Variants in SMARCD3 observed in about 807,000 individuals in gnomAD.
SMARCD3 encodes SWI/SNF related BAF chromatin remodeling complex subunit D3, also known as SWI/SNF-related matrix-associated actin-dependent regulator of chromatin subfamily D member 3.
SMARCD3 carries 14 observed loss-of-function variants against 58.0 expected under a neutral mutation model. The ratio of observed to expected loss-of-function variants is 0.24; its 90% CI spans 0.16 to 0.38. The LOEUF is 0.38. Among genes scored for constraint, SMARCD3 ranks in the 10% least tolerant of loss-of-function variants. SMARCD3 has a pLI of 1.00. For synonymous variants in SMARCD3, 253 were observed against 253.8 expected (o/e 1.00, Z 0.03); for missense variants, 408 against 636.9 (o/e 0.64, Z 3.87).
intron 9 of SMARCD3, 68 bp downstream of exon 9, chr7:151,240,348 TGGGAGGAGA>T (rs1802913836): frequency 1.9e-6 from 3 of 1,588,118 alleles, no homozygotes; most frequent in Non-Finnish European, 2.6e-6. Context: ...GAGATGGGAG[TGGGAGGAGA>T]GGGAGGGGCA....
At chr7:151,271,127 C>A (rs1795160930) in intron 2 of SMARCD3, among the ~76,000 whole-genome samples, 1 of 152,122 alleles carries the variant, frequency 6.6e-6, no homozygotes, top group Non-Finnish European at 1.5e-5. Context: ...TGGAATGACC[C>A]TGGCCCTCTC....
chr7:151,253,667 C>T (rs765248106), upstream of SMARCD3, among the ~76,000 whole-genome samples: 1 of 152,158 alleles, frequency 6.6e-6, no homozygotes, highest in Non-Finnish European at 1.5e-5. Flanking sequence ...TCTCTTACTC[C>T]CCATTAATGA....
intron 2 of SMARCD3, among the ~76,000 whole-genome samples, chr7:151,254,018 G>A (rs1563674335): frequency 6.6e-6 from 1 of 152,144 alleles, no homozygotes; most frequent in Non-Finnish European, 1.5e-5. Flanking sequence ...TGAAACCCAG[G>A]GCAAACACAA....
chr7:151,252,187 G>A (rs1361987464), upstream of SMARCD3, among the ~76,000 whole-genome samples: 1 of 152,080 alleles, frequency 6.6e-6, no homozygotes, highest in African/African-American at 2.4e-5. Context: ...CGCTCGGGGG[G>A]CGCGGCAGGA....
Position 151,239,233 on chromosome 7 carries a change from C to T in SMARCD3, c.1399-77G>A. 2 of 1,507,094 alleles carry T rather than the reference C, an allele frequency of 1.3e-6. No individual in the cohort carries two copies. 93.4% of individuals were successfully genotyped at this position (1,507,094 alleles called of 1,614,324 possible). A position where few individuals can be genotyped will look rare whatever the true frequency, so the allele number is the denominator to read the frequency against. On this transcript the variant is annotated intron_variant, in intron 12 of 12. Transcript: ENST00000262188. The surrounding 1 kb of genome is among the most constrained non-coding windows in gnomAD (Gnocchi z 7.0). The stretch of plus-strand genomic sequence containing the variant: ...AGGACAATCCCACCTACTGACACCG[C>T]CTGCCCTGAAAGAGCATCTGGGAGC...
At chr7:151,259,528 G>A (rs1213492703) in intron 2 of SMARCD3, among the ~76,000 whole-genome samples, 1 of 149,252 alleles carries the variant, frequency 6.7e-6, no homozygotes, top group Non-Finnish European at 1.5e-5. Context: ...TGGAGGTGAA[G>A]AGAGCCCACT....
chr7:151,253,384 C>T (rs1032639709), upstream of SMARCD3, among the ~76,000 whole-genome samples: 1 of 152,210 alleles, frequency 6.6e-6, no homozygotes, highest in Non-Finnish European at 1.5e-5. Flanking sequence ...CACCCCTACA[C>T]CTTCAGCATC....
rs1039491059 is a variant in SMARCD3 at position 151,274,545 on chromosome 7, C to T, written c.39+569G>A. On this transcript the variant is annotated intron_variant, in intron 2 of 13. Coordinates refer to the SMARCD3 transcript ENST00000356800. ...CTCCCACTGCGGGCTGTGCAGTAGA[C>T]GGCTGCCACCTCCCTCCTGCCACAA... 5.3e-5 allele frequency among the ~76,000 whole-genome samples: 8 copies of T among 152,352 alleles called. No homozygotes were observed. The South Asian group carries it at 8.3e-4, about 16-fold the overall frequency.
intron 2 of SMARCD3, among the ~76,000 whole-genome samples, chr7:151,266,143 T>C (rs1205514776): frequency 6.6e-6 from 1 of 152,068 alleles, no homozygotes; most frequent in Non-Finnish European, 1.5e-5. Context: ...CTAATTTTTA[T>C]ATTTTTAGTA....
upstream of SMARCD3, among the ~76,000 whole-genome samples, chr7:151,250,393 CCT>C (rs1211669386): frequency 4.0e-5 from 6 of 151,862 alleles, no homozygotes; most frequent in South Asian, 4.2e-4. Context: ...GGGTGGCCTG[CCT>C]CTGTCTGCCA....
rs1803227868 is a variant in SMARCD3 at position 151,245,728 on chromosome 7, C to A, written c.79-57G>T. On this transcript the variant is annotated intron_variant, in intron 1 of 12. Coordinates refer to ENST00000262188, the MANE Select transcript of SMARCD3 (RefSeq NM_001003801.2). This position sits in a 1 kb window ranked among gnomAD's most constrained non-coding sequence, Gnocchi z 6.2. ...GCGCCCGTGGGTCAGACCAGGGCCCCCCGCTCCAGGCGCGGTGAGCCGGCG... is the reference window on the plus strand; with the variant it reads ...GCGCCCGTGGGTCAGACCAGGGCCCACCGCTCCAGGCGCGGTGAGCCGGCG... The A allele has an allele frequency of 2.3e-6, 1 of 431,342 alleles. No individual in the cohort carries two copies. Among genetic ancestry groups the A allele is most frequent in the South Asian group, 1.2e-4 (1 of 8,382 alleles). The allele number at this position is 431,342 out of a possible 1,614,324, so 26.7% of individuals were successfully genotyped here.
chr7:151,265,451 C>G (rs1804050675), intron 2 of SMARCD3, among the ~76,000 whole-genome samples: 1 of 152,254 alleles, frequency 6.6e-6, no homozygotes, highest in African/African-American at 2.4e-5. Flanking sequence ...CCAGGAATCT[C>G]TGTTGTTTAA....
upstream of SMARCD3, among the ~76,000 whole-genome samples, chr7:151,251,494 C>T (rs1803508336): frequency 6.6e-6 from 1 of 152,198 alleles, no homozygotes; most frequent in African/African-American, 2.4e-5. Flanking sequence ...AGCCTTCAGA[C>T]CAGAAAGCTG....
chr7:151,272,425 G>A (rs1182452544), intron 2 of SMARCD3, among the ~76,000 whole-genome samples: 1 of 152,120 alleles, frequency 6.6e-6, no homozygotes, highest in African/African-American at 2.4e-5. Context: ...GGATGAGGCG[G>A]AGCATAAGAA....
chr7:151,256,163 T>C (rs375856198), intron 2 of SMARCD3, among the ~76,000 whole-genome samples: 7,790 of 151,040 alleles, frequency 0.052, 256 homozygotes, highest in East Asian at 0.14. Context: ...ATTACAGGCA[T>C]GAGCCACTGC....
At position 151,245,593 on chromosome 7, in the gene SMARCD3, TGCCCATGTACGGGGAGCCCGGGGG is replaced by T; in HGVS notation, c.133_156del (p.Pro45_Gly52del). 8.6e-7 allele frequency: 1 copy of T among 1,164,614 alleles called. No individual in the cohort carries two copies. The highest frequency in any genetic ancestry group is 1.1e-6 in the Non-Finnish European group (1 of 928,350). 72.1% of individuals were successfully genotyped at this position (1,164,614 alleles called of 1,614,324 possible). On this transcript the variant is annotated inframe_deletion, in exon 2 of 13. Coordinates refer to ENST00000262188, the MANE Select transcript of SMARCD3 (RefSeq NM_001003801.2). This position sits in a 1 kb window ranked among gnomAD's most constrained non-coding sequence, Gnocchi z 6.2. ...GCCAGGCCGGGTCGCACGGCGGGGCTGCCCATGTACGGGGAGCCCGGGGGGCCCATGGGCGCCCCCTGGTGGGGC... is the reference window on the plus strand; with the variant it reads ...GCCAGGCCGGGTCGCACGGCGGGGCTGCCCATGGGCGCCCCCTGGTGGGGC...
At chr7:151,272,391 G>T (rs928453790) in intron 2 of SMARCD3, among the ~76,000 whole-genome samples, 1 of 152,036 alleles carries the variant, frequency 6.6e-6, no homozygotes, top group Non-Finnish European at 1.5e-5. Flanking sequence ...ATGTATCTTT[G>T]CAAACTACCT....
chr7:151,242,861 G>A lies in SMARCD3; in HGVS notation c.334-18C>T. ...TCCCGAATCTGGAGAAGGAGGAGCA[G>A]GGCAGGAGTCAGAGGCTCAAGTCCA... On this transcript the variant is annotated intron_variant, in intron 3 of 12. Transcript: ENST00000262188. The surrounding 1 kb of genome is among the most constrained non-coding windows in gnomAD (Gnocchi z 4.7). 1.2e-6 allele frequency: 2 copies of A among 1,613,790 alleles called. No individual in the cohort carries two copies. Among genetic ancestry groups the A allele is most frequent in the Non-Finnish European group, 1.7e-6 (2 of 1,179,858 alleles).
intron 1 of SMARCD3, among the ~76,000 whole-genome samples, chr7:151,276,271 G>C (rs1795338383): frequency 6.6e-6 from 1 of 150,930 alleles, no homozygotes; most frequent in African/African-American, 2.4e-5. Context: ...ATGGGAAGGT[G>C]CTAGGTAGGG....
Sources: gnomAD v4.1 joint callset for allele counts (sites outside exome capture counted in the v4.1 genomes callset) on GRCh38, gnomAD v4.1.1 for gene constraint, Gnocchi (gnomAD v3.1) non-coding constraint, MANE v1.5 for transcripts, NCBI Gene and HGNC (gene_info 2026-07-23, HGNC 2026-07-21) for gene names.